Variants in FGF13 observed in about 807,000 individuals in gnomAD.
FGF13 encodes fibroblast growth factor 13, also known as fibroblast growth factor homologous factor 2.
A neutral mutation model predicts 19.5 loss-of-function variants in FGF13; 2 were observed. The observed-to-expected ratio is 0.10, with a 90% CI of 0.04 to 0.32. FGF13 has a LOEUF of 0.32. Among genes scored for constraint, FGF13 ranks in the 10% least tolerant of loss-of-function variants. The probability of loss-of-function intolerance (pLI) is 1.00; values close to 1 mark genes in which losing one functional copy is unlikely to be tolerated. For missense variants in FGF13, 113 were observed against 192.7 expected, an observed-to-expected ratio of 0.59 and a Z score of 2.45; for synonymous variants, 72 against 76.9, an observed-to-expected ratio of 0.94 and a Z score of 0.33.
At chrX:138,928,253 G>T (rs1254116260) in intron 1 of FGF13, among the ~76,000 whole-genome samples, 1 of 109,197 alleles carries the variant, frequency 9.2e-6, no homozygotes, top group Non-Finnish European at 1.9e-5. Flanking sequence ...TCCAGACTGA[G>T]CAAATATTTT....
intron 1 of FGF13, among the ~76,000 whole-genome samples, chrX:138,884,429 C>A (rs1205656391): frequency 8.9e-6 from 1 of 112,319 alleles, no homozygotes; most frequent in African/African-American, 3.2e-5. Context: ...TACTTATAAG[C>A]AGACACCTGT....
chrX:139,098,062 C>T (rs909865531), intron 1 of FGF13, among the ~76,000 whole-genome samples: 2 of 111,381 alleles, frequency 1.8e-5, no homozygotes, highest in Non-Finnish European at 3.8e-5. Flanking sequence ...TAGAAACACA[C>T]ACACACACAA....
chrX:139,002,332 A>G (rs1375257651), intron 1 of FGF13, among the ~76,000 whole-genome samples: 1 of 111,979 alleles, frequency 8.9e-6, no homozygotes, highest in African/African-American at 3.3e-5. Context: ...CAGAACTTAA[A>G]GTATAATTTT....
chrX:138,885,986 T>C (rs1356853782), intron 1 of FGF13, among the ~76,000 whole-genome samples: 2 of 111,619 alleles, frequency 1.8e-5, no homozygotes, highest in Non-Finnish European at 3.8e-5. Context: ...AAAAAATAAC[T>C]ACGGTAATGG....
intron 3 of FGF13, among the ~76,000 whole-genome samples, chrX:138,841,414 CAT>C (rs1207256316): frequency 9.0e-6 from 1 of 111,396 alleles, no homozygotes. Context: ...TTTAACTATG[CAT>C]AAAGTTGTCA....
At position 139,033,227 on chromosome X, in the gene FGF13, C is replaced by T. The variant is rs187104937; in HGVS notation, c.-112-168577G>A. On this transcript the variant is annotated intron_variant, in intron 1 of 2. Coordinates refer to the FGF13 transcript ENST00000421460. ...CAATTTTCTTTGGAAAGGTAAGTTACATTTGACATTTTTCTTTTCATAACT... is the reference window on the plus strand; with the variant it reads ...CAATTTTCTTTGGAAAGGTAAGTTATATTTGACATTTTTCTTTTCATAACT... Among the ~76,000 whole-genome samples the T allele has an allele frequency of 2.1e-4, 23 of 110,630 alleles. No homozygotes were observed. In the East Asian group the frequency reaches 5.7e-3, roughly 27 times the overall value.
chrX:138,774,701 T>C (rs1037613205), intron 3 of FGF13, among the ~76,000 whole-genome samples: 1 of 111,576 alleles, frequency 9.0e-6, no homozygotes, highest in Non-Finnish European at 1.9e-5. Flanking sequence ...GTAAGATTCC[T>C]AAAGGCAAGG....
At chrX:138,746,082 T>G (rs1000572182) in intron 3 of FGF13, among the ~76,000 whole-genome samples, 1 of 111,980 alleles carries the variant, frequency 8.9e-6, no homozygotes, top group African/African-American at 3.2e-5. Context: ...TTGTTTGGCA[T>G]GTCCACAGAC....
chrX:138,835,327 G>C (rs766758008), intron 3 of FGF13, among the ~76,000 whole-genome samples: 2 of 111,826 alleles, frequency 1.8e-5, no homozygotes, highest in African/African-American at 3.3e-5. Flanking sequence ...TATGAATCTG[G>C]GTCCTCCTGT....
chrX:139,105,554 T>C (rs986739319), intron 1 of FGF13, among the ~76,000 whole-genome samples: 17 of 112,061 alleles, frequency 1.5e-4, no homozygotes, highest in Non-Finnish European at 2.6e-4. Context: ...AAACATCAGA[T>C]ACATGACTTA....
chrX:139,150,805 A>G (rs1199197244), intron 1 of FGF13, among the ~76,000 whole-genome samples: 3 of 111,771 alleles, frequency 2.7e-5, no homozygotes, highest in African/African-American at 9.8e-5. Context: ...CCTAAGAGAT[A>G]CAAGAACTCC....
At chrX:138,674,208 G>T (rs766076394) in intron 3 of FGF13, among the ~76,000 whole-genome samples, 8 of 110,342 alleles carry the variant, frequency 7.3e-5, no homozygotes, top group South Asian at 3.9e-4. Context: ...TTTGTATATG[G>T]GAATACACTT....
chrX:138,833,092 T>G (rs765816970), intron 3 of FGF13, among the ~76,000 whole-genome samples: 22 of 112,229 alleles, frequency 2.0e-4, no homozygotes, highest in Non-Finnish European at 3.9e-4. Flanking sequence ...TGAAGTCAGG[T>G]AGCATGATGC....
rs1454405047 is a variant in FGF13 at position 138,629,279 on chromosome X, A to AAAC, written c.*3568_*3570dup. On this transcript the variant is annotated 3_prime_UTR_variant, in exon 5 of 5. Transcript: ENST00000315930. Reference sequence around the variant, plus strand: ...GTTTGTCTCAGCATTTGTAAAAGTTAAACAGATTTCTTTAACACAAGACTT... The same window carrying AAAC: ...GTTTGTCTCAGCATTTGTAAAAGTTAAACAACAGATTTCTTTAACACAAGACTT... 5.3e-5 allele frequency: 6 copies of AAAC among 112,510 alleles called. No homozygotes were observed. In the Admixed American group the frequency reaches 5.7e-4, roughly 11 times the overall value. The allele number at this position is 112,510 out of a possible 1,213,427, so 9.3% of individuals were successfully genotyped here.
chrX:138,702,500 A>C (rs1307453739), intron 3 of FGF13, among the ~76,000 whole-genome samples: 1 of 112,203 alleles, frequency 8.9e-6, no homozygotes. Context: ...CTTATATTTA[A>C]AGCAGAAGCA....
intron 1 of FGF13, among the ~76,000 whole-genome samples, chrX:139,021,864 A>G (rs1183424143): frequency 1.8e-5 from 2 of 112,043 alleles, no homozygotes; most frequent in Non-Finnish European, 3.8e-5. Context: ...ATGCATGGTA[A>G]ATACTTTAAA....
Position 139,162,945 on chromosome X carries a change from G to A in FGF13, c.-113+40471C>T, listed in dbSNP as rs1439594000. On this transcript the variant is annotated intron_variant, in intron 1 of 2. Coordinates refer to the FGF13 transcript ENST00000421460. ...AGGAATGCTTTTACACTGTTGGTGG[G>A]AGTGTAAATTAATTCAACCATTGTG... is the stretch of plus-strand genomic sequence containing the variant. 4.5e-5 allele frequency among the ~76,000 whole-genome samples: 5 copies of A among 112,162 alleles called. No homozygotes were observed. The East Asian group carries it at 1.4e-3, about 31-fold the overall frequency.
chrX:138,666,218 T>C (rs2089542198), intron 3 of FGF13, among the ~76,000 whole-genome samples: 1 of 111,509 alleles, frequency 9.0e-6, no homozygotes, highest in African/African-American at 3.2e-5. Flanking sequence ...TGAGTTGCTA[T>C]ATTATCTCAT....
At chrX:139,088,752 G>A (rs1017580981) in intron 1 of FGF13, among the ~76,000 whole-genome samples, 10 of 111,183 alleles carry the variant, frequency 9.0e-5, no homozygotes, top group African/African-American at 2.9e-4. Flanking sequence ...ACACTCCATC[G>A]AGGAGGCTAC....
Sources: allele counts gnomAD v4.1 joint callset (sites outside exome capture counted in the v4.1 genomes callset), GRCh38; gene constraint gnomAD v4.1.1; transcripts MANE v1.5; gene names NCBI Gene and HGNC (gene_info 2026-07-23, HGNC 2026-07-21).